FBXL5: variants seen among roughly 807,000 people sequenced by gnomAD.
The protein encoded by FBXL5 is F-box and leucine rich repeat protein 5.
A neutral mutation model predicts 78.3 loss-of-function variants in FBXL5; 26 were observed. The ratio of observed to expected loss-of-function variants is 0.33; its 90% CI spans 0.24 to 0.46. The LOEUF is 0.46. Among genes scored for constraint, FBXL5 ranks in the 20% least tolerant of loss-of-function variants. FBXL5 has a pLI of 1.00. For synonymous variants in FBXL5, 295 were observed against 282.5 expected (o/e 1.04, Z -0.45); for missense variants, 710 against 829.2 (o/e 0.86, Z 1.77).
intron 6 of FBXL5, 65 bp from the exon 7 acceptor site, chr4:15,628,098 T>G (rs1713252588): frequency 1.4e-6 from 2 of 1,481,224 alleles, no homozygotes; most frequent in East Asian, 2.3e-5. Context: ...ACTCAAGCGC[T>G]CACCAAATTG....
intron 1 of FBXL5, among the ~76,000 whole-genome samples, chr4:15,680,756 C>T (rs1300604087): frequency 1.3e-5 from 2 of 151,708 alleles, no homozygotes; most frequent in Non-Finnish European, 2.9e-5. Context: ...AAGTAAGTAG[C>T]TTGAGAAAGA....
At chr4:15,644,436 G>C (rs1355971302) in intron 2 of FBXL5, 57 bp downstream of exon 2, 1 of 1,400,428 alleles carries the variant, frequency 7.1e-7, no homozygotes, top group Non-Finnish European at 1.0e-6. Context: ...TTTTGCCAAT[G>C]ATATACCAGA....
Position 15,625,384 on chromosome 4 carries a change from G to A in FBXL5, c.1718C>T (p.Ala573Val), listed in dbSNP as rs751149353. ...LPESSAMCRK[A>V]ARTRLPRGKD... ...TCCCCTAGGCAATCTAGTCCTTGCT[G>A]CTTTTCTACACATTGCAGAAGATTC... Residue 573 changes from alanine to valine, a missense_variant, in exon 9 of 11, where the codon GCA (alanine) becomes GTA (valine). Ala to Val is a moderately conservative substitution (Grantham distance 64). Transcript: ENST00000341285. 1.2e-6 allele frequency: 2 copies of A among 1,614,146 alleles called. No homozygotes were observed. Among genetic ancestry groups the A allele is most frequent in the Non-Finnish European group, 1.7e-6 (2 of 1,180,028 alleles).
intron 1 of FBXL5, among the ~76,000 whole-genome samples, chr4:15,668,042 TA>T (rs36082259): frequency 0.38 from 50,012 of 132,340 alleles, 8,714 homozygotes; most frequent in African/African-American, 0.4. Flanking sequence ...ACTCTATCTC[TA>T]AAAAAAAAAA....
chr4:15,614,977 G>A (rs1356584357), intron 9 of FBXL5, among the ~76,000 whole-genome samples: 5 of 152,172 alleles, frequency 3.3e-5, no homozygotes, highest in Non-Finnish European at 7.4e-5. Flanking sequence ...AGTTCCGGGT[G>A]GGCGTGGGCT....
intron 5 of FBXL5, among the ~76,000 whole-genome samples, chr4:15,631,105 C>T (rs1415865116): frequency 6.6e-6 from 1 of 152,030 alleles, no homozygotes; most frequent in Non-Finnish European, 1.5e-5. Context: ...GTGTGACGTT[C>T]CCCACCCTGT....
At chr4:15,632,251 C>T (rs889905043) in intron 5 of FBXL5, among the ~76,000 whole-genome samples, 1 of 152,104 alleles carries the variant, frequency 6.6e-6, no homozygotes, top group Non-Finnish European at 1.5e-5. Flanking sequence ...TCTGAGGCCT[C>T]TGTTCTGTTC....
chr4:15,669,513 G>A (rs1717674834), intron 1 of FBXL5, among the ~76,000 whole-genome samples: 1 of 151,842 alleles, frequency 6.6e-6, no homozygotes, highest in Non-Finnish European at 1.5e-5. Flanking sequence ...TTCCAGCCTT[G>A]GCAACAGAGA....
intron 9 of FBXL5, among the ~76,000 whole-genome samples, chr4:15,613,395 T>C (rs1047507594): frequency 2.0e-5 from 3 of 152,186 alleles, no homozygotes; most frequent in Non-Finnish European, 4.4e-5. Context: ...TGGCACACCC[T>C]AGAAGAATAA....
At chr4:15,642,891 G>A (rs2148660927) in intron 2 of FBXL5, among the ~76,000 whole-genome samples, 1 of 152,134 alleles carries the variant, frequency 6.6e-6, no homozygotes, top group Middle Eastern at 3.4e-3. Flanking sequence ...AGAAAGTCAG[G>A]CTGAATCCTC....
chr4:15,617,654 G>C (rs1328499704), intron 9 of FBXL5, among the ~76,000 whole-genome samples: 1 of 152,110 alleles, frequency 6.6e-6, no homozygotes, highest in Non-Finnish European at 1.5e-5. Flanking sequence ...GGGTGGAGCT[G>C]GAACTAACAA....
intron 1 of FBXL5, among the ~76,000 whole-genome samples, chr4:15,668,932 C>G (rs1027510182): frequency 1.3e-5 from 2 of 152,146 alleles, no homozygotes; most frequent in Admixed American, 1.3e-4. Flanking sequence ...TTACTTTTTA[C>G]CACTGCAGAA....
At chr4:15,658,415 T>G (rs1433867941), upstream of FBXL5, among the ~76,000 whole-genome samples, 1 of 152,336 alleles carries the variant, frequency 6.6e-6, no homozygotes, top group East Asian at 1.9e-4. Context: ...AAGGCAGTAT[T>G]AAGAAGTGGG....
intron 2 of FBXL5, 91 bp from the exon 3 acceptor site, chr4:15,640,974 T>C (rs1446088579): frequency 8.2e-6 from 5 of 606,164 alleles, no homozygotes; most frequent in Non-Finnish European, 1.4e-5. Context: ...ACATAAAACC[T>C]CCGGGGAAAA....
At chr4:15,629,018 T>C (rs1017409855) in intron 6 of FBXL5, among the ~76,000 whole-genome samples, 1 of 152,066 alleles carries the variant, frequency 6.6e-6, no homozygotes, top group Non-Finnish European at 1.5e-5. Flanking sequence ...TGTGTGATGA[T>C]TAAATCAAGG....
chr4:15,676,741 G>A (rs1448900959), intron 1 of FBXL5, among the ~76,000 whole-genome samples: 2 of 152,072 alleles, frequency 1.3e-5, no homozygotes, highest in East Asian at 3.8e-4. Context: ...GTGTTGGGTT[G>A]TTGGGTTCAT....
chr4:15,610,583 A>C (rs1362625301), intron 10 of FBXL5, among the ~76,000 whole-genome samples: 2 of 152,264 alleles, frequency 1.3e-5, no homozygotes, highest in African/African-American at 4.8e-5. Flanking sequence ...GAGGAAATGC[A>C]TAAGGACAAA....
At chr4:15,632,515 T>C (rs1713783675) in intron 5 of FBXL5, among the ~76,000 whole-genome samples, 1 of 152,218 alleles carries the variant, frequency 6.6e-6, no homozygotes, top group African/African-American at 2.4e-5. Flanking sequence ...AGTATGGTCA[T>C]TTTCACGATA....
chr4:15,638,234 T>G (rs1714485382), intron 4 of FBXL5, among the ~76,000 whole-genome samples: 1 of 152,166 alleles, frequency 6.6e-6, no homozygotes, highest in South Asian at 2.1e-4. Flanking sequence ...GTACTGGTGG[T>G]TTTCAATAAT....
Sources: gnomAD v4.1 joint callset for allele counts (sites outside exome capture counted in the v4.1 genomes callset) on GRCh38, gnomAD v4.1.1 for gene constraint, MANE v1.5 for transcripts, NCBI Gene and HGNC (gene_info 2026-07-23, HGNC 2026-07-21) for gene names.